AK9: variants seen among roughly 807,000 people sequenced by gnomAD.
The protein encoded by AK9 is adenylate kinase domain containing 1.
A neutral mutation model predicts 239.6 loss-of-function variants in AK9; 191 were observed. The ratio of observed to expected loss-of-function variants is 0.80; its 90% CI spans 0.71 to 0.90. The LOEUF (loss-of-function observed/expected upper bound fraction) is 0.90, where lower values mean the gene tolerates loss of function less well. Ranked by LOEUF, AK9 falls within the 40% of genes least tolerant of loss-of-function variation. The pLI is 0.00. For synonymous variants in AK9, 689 were observed against 721.0 expected (o/e 0.96, Z 0.71); for missense variants, 1,995 against 2,214.7 (o/e 0.90, Z 1.99).
At chr6:109,622,082 T>A (rs1794926331) in intron 12 of AK9, among the ~76,000 whole-genome samples, 1 of 147,320 alleles carries the variant, frequency 6.8e-6, no homozygotes, top group African/African-American at 2.5e-5. Flanking sequence ...TATCTATATA[T>A]GTGTATTATA....
intron 10 of AK9, among the ~76,000 whole-genome samples, chr6:109,640,992 A>G (rs1797351501): frequency 6.6e-6 from 1 of 152,116 alleles, no homozygotes; most frequent in African/African-American, 2.4e-5. Context: ...CTGTTCCTAC[A>G]TGTAATTGTT....
intron 2 of AK9, among the ~76,000 whole-genome samples, 170 bp downstream of exon 2, chr6:109,675,459 A>G (rs1771574038): frequency 6.6e-6 from 1 of 152,198 alleles, no homozygotes. Flanking sequence ...TGCAAGAGAT[A>G]GTTATGAATT....
intron 24 of AK9, among the ~76,000 whole-genome samples, chr6:109,561,279 G>T (rs1785732547): frequency 6.6e-6 from 1 of 151,204 alleles, no homozygotes; most frequent in African/African-American, 2.4e-5. Flanking sequence ...GAGAGTTTCA[G>T]TGGACTTAGA....
At chr6:109,556,562 A>T (rs1785034012) in intron 24 of AK9, among the ~76,000 whole-genome samples, 4 of 152,014 alleles carry the variant, frequency 2.6e-5, no homozygotes, top group Admixed American at 2.6e-4. Flanking sequence ...TTCTTGCTAG[A>T]TTGAGGAAGT....
At chr6:109,606,206 C>T (rs933818661) in intron 17 of AK9, among the ~76,000 whole-genome samples, 4 of 151,686 alleles carry the variant, frequency 2.6e-5, no homozygotes, top group African/African-American at 9.7e-5. Flanking sequence ...TTCTGGATTC[C>T]CTTACTCTAT....
intron 21 of AK9, among the ~76,000 whole-genome samples, chr6:109,568,242 A>C (rs1013340536): frequency 3.9e-5 from 6 of 152,216 alleles, no homozygotes; most frequent in Admixed American, 1.3e-4. Context: ...TTCATGCTAA[A>C]AACTCTCAAT....
At chr6:109,529,201 G>A (rs2128130885) in intron 28 of AK9, 128 bp from the exon 29 acceptor site, 2 of 1,037,514 alleles carry the variant, frequency 1.9e-6, no homozygotes, top group South Asian at 2.0e-5. Flanking sequence ...TTGCAGGAAA[G>A]GATGTGATGG....
intron 8 of AK9, among the ~76,000 whole-genome samples, chr6:109,649,044 G>A (rs1018236808): frequency 6.6e-5 from 10 of 151,946 alleles, no homozygotes; most frequent in African/African-American, 1.9e-4. Context: ...TTCAACAACC[G>A]TTCATGCTAA....
At chr6:109,508,763 G>A (rs1778374335) in intron 33 of AK9, among the ~76,000 whole-genome samples, 2 of 152,154 alleles carry the variant, frequency 1.3e-5, no homozygotes, top group South Asian at 2.1e-4. Context: ...TAAGGGAGAG[G>A]CACTGCTACC....
At chr6:109,530,574 A>G (rs913033114) in intron 28 of AK9, among the ~76,000 whole-genome samples, 2 of 152,226 alleles carry the variant, frequency 1.3e-5, no homozygotes, top group African/African-American at 4.8e-5. Context: ...ACTATACACA[A>G]TAGCACTCAT....
At chr6:109,515,670 G>T (rs569211208) in intron 31 of AK9, among the ~76,000 whole-genome samples, 187 bp downstream of exon 31, 6 of 152,232 alleles carry the variant, frequency 3.9e-5, no homozygotes, top group Admixed American at 3.9e-4. Context: ...TACACAGTTG[G>T]TGATAAAAGA....
intron 12 of AK9, among the ~76,000 whole-genome samples, chr6:109,627,493 G>A (rs1795681495): frequency 6.6e-6 from 1 of 152,092 alleles, no homozygotes; most frequent in Non-Finnish European, 1.5e-5. Flanking sequence ...CAGCACAGTA[G>A]GTTTGTTTAT....
intron 17 of AK9, among the ~76,000 whole-genome samples, chr6:109,592,737 T>C (rs1231297566): frequency 6.6e-6 from 1 of 151,658 alleles, no homozygotes; most frequent in Non-Finnish European, 1.5e-5. Flanking sequence ...TGAGCCACCG[T>C]GCCCAGCGGG....
chr6:109,625,347 T>C (rs944455758), intron 12 of AK9, among the ~76,000 whole-genome samples: 16 of 152,360 alleles, frequency 1.1e-4, no homozygotes, highest in African/African-American at 3.1e-4. Context: ...CTGATTGCCA[T>C]TGCTTCTGAT....
intron 13 of AK9, among the ~76,000 whole-genome samples, chr6:109,615,123 C>T (rs1234582943): frequency 6.6e-6 from 1 of 152,152 alleles, no homozygotes; most frequent in Admixed American, 6.6e-5. Context: ...TAACTTCCTG[C>T]CTTGGTCCAG....
At chr6:109,568,517 T>C (rs911761336) in intron 21 of AK9, among the ~76,000 whole-genome samples, 11 of 152,328 alleles carry the variant, frequency 7.2e-5, no homozygotes, top group African/African-American at 2.6e-4. Context: ...CATGATTGTA[T>C]ATTTAGAAAA....
chr6:109,664,306 T>C (rs943268808), intron 5 of AK9, among the ~76,000 whole-genome samples: 2 of 152,136 alleles, frequency 1.3e-5, no homozygotes, highest in African/African-American at 2.4e-5. Flanking sequence ...ATGCCTAGAA[T>C]AGCATAATAA....
intron 1 of AK9, among the ~76,000 whole-genome samples, chr6:109,679,356 AC>A (rs1264874755): frequency 1.0e-5 from 1 of 99,592 alleles, no homozygotes; most frequent in Non-Finnish European, 2.1e-5. Context: ...CCCTCCTCCC[AC>A]CCCCGCAGCT....
intron 17 of AK9, among the ~76,000 whole-genome samples, chr6:109,590,792 G>A (rs1790126884): frequency 6.6e-6 from 1 of 152,150 alleles, no homozygotes; most frequent in African/African-American, 2.4e-5. Context: ...CAATCATTCA[G>A]GAGCAGATTA....
Sources: allele counts gnomAD v4.1 joint callset (sites outside exome capture counted in the v4.1 genomes callset), GRCh38; gene constraint gnomAD v4.1.1; transcripts MANE v1.5; gene names NCBI Gene and HGNC (gene_info 2026-07-23, HGNC 2026-07-21).